CCDC178: variants seen among roughly 807,000 people sequenced by gnomAD.
CCDC178 encodes the protein coiled-coil domain-containing protein 178.
CCDC178 carries 126 observed loss-of-function variants against 117.4 expected under a neutral mutation model. The ratio of observed to expected loss-of-function variants is 1.07; its 90% CI spans 0.93 to 1.24. The LOEUF (loss-of-function observed/expected upper bound fraction) is 1.24, where lower values mean the gene tolerates loss of function less well. Ranked by LOEUF, CCDC178 falls within the 50% of genes most tolerant of loss-of-function variation. The pLI is 0.00. For missense variants in CCDC178, 1,030 were observed against 986.9 expected, an observed-to-expected ratio of 1.04 and a Z score of -0.59; for synonymous variants, 283 against 313.4, an observed-to-expected ratio of 0.90 and a Z score of 1.02.
intron 21 of CCDC178, among the ~76,000 whole-genome samples, chr18:32,992,480 TG>T (rs2055414653): frequency 6.6e-6 from 1 of 152,094 alleles, no homozygotes; most frequent in African/African-American, 2.4e-5. Flanking sequence ...AGTGACAAGG[TG>T]GCAACTGAGG....
At chr18:33,266,793 A>G in intron 14 of CCDC178, 123 bp downstream of exon 14, 1 of 1,020,016 alleles carries the variant, frequency 9.8e-7, no homozygotes, top group South Asian at 2.0e-5. Context: ...ATAGAACTTA[A>G]ATTTTAAGCT....
chr18:33,244,717 C>T (rs1453796272), intron 15 of CCDC178, among the ~76,000 whole-genome samples: 1 of 151,884 alleles, frequency 6.6e-6, no homozygotes, highest in African/African-American at 2.4e-5. Context: ...TAATACAAAG[C>T]CTCTACCACA....
intron 20 of CCDC178, among the ~76,000 whole-genome samples, chr18:33,094,817 T>C (rs1425121295): frequency 2.6e-5 from 4 of 152,006 alleles, no homozygotes; most frequent in Admixed American, 2.0e-4. Flanking sequence ...CTTCAAAACG[T>C]TACATCAGTC....
chr18:33,113,468 T>C (rs1165533342), intron 20 of CCDC178, among the ~76,000 whole-genome samples: 1 of 151,938 alleles, frequency 6.6e-6, no homozygotes, highest in Non-Finnish European at 1.5e-5. Context: ...TGAGGACACT[T>C]GATATCTTAA....
At chr18:33,362,316 T>C (rs1264443884) in intron 6 of CCDC178, among the ~76,000 whole-genome samples, 1 of 151,758 alleles carries the variant, frequency 6.6e-6, no homozygotes, top group African/African-American at 2.4e-5. Context: ...AAATGTTGCA[T>C]GACCTTACTT....
chr18:33,371,788 C>T (rs1056376242), intron 5 of CCDC178, among the ~76,000 whole-genome samples: 69 of 122,908 alleles, frequency 5.6e-4, no homozygotes, highest in African/African-American at 1.7e-3. Context: ...CATATATACA[C>T]ACACACACAC....
At chr18:33,098,609 A>G (rs1464873125) in intron 20 of CCDC178, among the ~76,000 whole-genome samples, 2 of 152,074 alleles carry the variant, frequency 1.3e-5, no homozygotes, top group East Asian at 1.9e-4. Flanking sequence ...CATAGACCGC[A>G]CTACATTCAC....
intron 6 of CCDC178, among the ~76,000 whole-genome samples, chr18:33,362,186 T>TAC (rs1284767943): frequency 8.6e-5 from 1 of 11,622 alleles, no homozygotes; most frequent in African/African-American, 4.6e-4. Context: ...TATGTATATA[T>TAC]ATACATATAT....
intron 20 of CCDC178, among the ~76,000 whole-genome samples, chr18:33,195,398 A>C (rs527329608): frequency 6.6e-6 from 1 of 152,216 alleles, no homozygotes; most frequent in Non-Finnish European, 1.5e-5. Flanking sequence ...GTGATACAAA[A>C]GTTACCCTGG....
At chr18:33,098,614 A>G (rs777607750) in intron 20 of CCDC178, among the ~76,000 whole-genome samples, 1 of 152,088 alleles carries the variant, frequency 6.6e-6, no homozygotes, top group Non-Finnish European at 1.5e-5. Flanking sequence ...ACCGCACTAC[A>G]TTCACTTCAG....
intron 2 of CCDC178, among the ~76,000 whole-genome samples, chr18:33,414,758 C>T (rs1396346495): frequency 2.0e-5 from 3 of 152,198 alleles, no homozygotes; most frequent in Non-Finnish European, 4.4e-5. Context: ...TCAGAGTGAA[C>T]AGGCAACCTA....
chr18:33,297,060 T>C (rs2062115244), intron 11 of CCDC178, among the ~76,000 whole-genome samples: 1 of 151,092 alleles, frequency 6.6e-6, no homozygotes, highest in African/African-American at 2.4e-5. Context: ...TAGAAATACA[T>C]TAAAATTAAA....
intron 22 of CCDC178, among the ~76,000 whole-genome samples, chr18:32,965,710 C>T (rs1394071332): frequency 6.6e-6 from 1 of 151,688 alleles, no homozygotes; most frequent in East Asian, 1.9e-4. Flanking sequence ...ACATAGTCCT[C>T]AACAGAATAT....
At chr18:33,247,969 A>C (rs2059570526) in intron 14 of CCDC178, among the ~76,000 whole-genome samples, 1 of 151,838 alleles carries the variant, frequency 6.6e-6, no homozygotes, top group Non-Finnish European at 1.5e-5. Context: ...AAATGCGAGA[A>C]ATTTCTAGAC....
At chr18:33,371,139 A>C (rs1407214608) in intron 5 of CCDC178, among the ~76,000 whole-genome samples, 3 of 152,020 alleles carry the variant, frequency 2.0e-5, no homozygotes, top group Admixed American at 6.6e-5. Context: ...TTTAAACTGC[A>C]ATCTTTTAAA....
chr18:33,148,920 C>T (rs1003654025), intron 20 of CCDC178, among the ~76,000 whole-genome samples: 1 of 152,210 alleles, frequency 6.6e-6, no homozygotes, highest in African/African-American at 2.4e-5. Flanking sequence ...CCCCTCACCC[C>T]AACCCCTGCA....
chr18:33,316,256 C>T (rs1274224625), intron 11 of CCDC178, among the ~76,000 whole-genome samples: 1 of 152,192 alleles, frequency 6.6e-6, no homozygotes, highest in East Asian at 1.9e-4. Flanking sequence ...ACCGGGGCTG[C>T]GCGCGGTGCT....
intron 20 of CCDC178, among the ~76,000 whole-genome samples, chr18:33,125,274 CACA>C (rs1358813841): frequency 6.6e-6 from 1 of 152,058 alleles, no homozygotes. Context: ...AAAATGATAG[CACA>C]ACATTTGATA....
rs2056080657 is a variant in CCDC178 at position 33,020,097 on chromosome 18, C to T, written c.2389-45416G>A. Among the ~76,000 whole-genome samples, 8 of 150,496 alleles carry T rather than the reference C, an allele frequency of 5.3e-5. No individual in the cohort carries two copies. In the Admixed American group the frequency reaches 5.3e-4, roughly 10 times the overall value. On this transcript the variant is annotated intron_variant, in intron 21 of 22. Coordinates refer to ENST00000383096, the MANE Select transcript of CCDC178 (RefSeq NM_001105528.4). ...AGTAGCTGGGATTATAGGTGCCTGC[C>T]ACCACAACCGGATAATTGGTTTTTT...
Sources: allele counts gnomAD v4.1 joint callset (sites outside exome capture counted in the v4.1 genomes callset), GRCh38; gene constraint gnomAD v4.1.1; transcripts MANE v1.5; gene names NCBI Gene and HGNC (gene_info 2026-07-23, HGNC 2026-07-21).